Variants in PRKDC observed in about 807,000 individuals in gnomAD.
PRKDC encodes the protein DNA-dependent protein kinase catalytic subunit.
In PRKDC, 82 loss-of-function variants were observed where a neutral mutation model predicts 486.9. The ratio of observed to expected loss-of-function variants is 0.17; its 90% CI spans 0.14 to 0.20. The LOEUF is 0.20. Among genes scored for constraint, PRKDC ranks in the 10% least tolerant of loss-of-function variants. The pLI, the probability that PRKDC is intolerant of heterozygous loss-of-function variation, is 1.00. For missense variants in PRKDC, 4,504 were observed against 5,038.2 expected, an observed-to-expected ratio of 0.89 and a Z score of 3.21; for synonymous variants, 1,895 against 1,837.0, an observed-to-expected ratio of 1.03 and a Z score of -0.81.
intron 68 of PRKDC, among the ~76,000 whole-genome samples, chr8:47,814,024 G>A (rs919666594): frequency 1.3e-5 from 2 of 152,158 alleles, no homozygotes; most frequent in Non-Finnish European, 1.5e-5. Flanking sequence ...ATCCTTAAGG[G>A]ATCATCATGA....
At chr8:47,874,671 A>G (rs2089050603) in intron 40 of PRKDC, among the ~76,000 whole-genome samples, 1 of 152,138 alleles carries the variant, frequency 6.6e-6, no homozygotes, top group African/African-American at 2.4e-5. Context: ...AGGCACAAGA[A>G]TCACTTGAAC....
In PRKDC at chr8:47,794,447, A is replaced by G; in HGVS notation, c.10513T>C (p.Leu3505=). Residue 3505 remains leucine, a synonymous_variant, in exon 74 of 86, where the codon TTA becomes CTA. Transcript: ENST00000314191. ...FISWISHMVA[L]LDKDQAVAVQ... is the part of the protein sequence containing the mutation. ...GCAACGGCTTGGTCTTTGTCCAGTA[A>G]GGCCACCATGTGGCTGATCCAGCTG... is the stretch of plus-strand genomic sequence containing the variant. The G allele has an allele frequency of 6.2e-7, 1 of 1,613,858 alleles. No individual in the cohort carries two copies. Among genetic ancestry groups the G allele is most frequent in the Non-Finnish European group, 8.5e-7 (1 of 1,179,740 alleles).
At chr8:47,779,779 G>C (rs925502429) in intron 80 of PRKDC, among the ~76,000 whole-genome samples, 1 of 151,980 alleles carries the variant, frequency 6.6e-6, no homozygotes, top group Non-Finnish European at 1.5e-5. Context: ...TAGTAGAGAC[G>C]GGGTTTCACC....
In PRKDC at chr8:47,801,000, A is replaced by G. The variant is rs761576930; in HGVS notation, c.9923-14T>C. 6.3e-7 allele frequency: 1 copy of G among 1,598,854 alleles called. No homozygotes were observed. Among genetic ancestry groups the G allele is most frequent in the East Asian group, 2.2e-5 (1 of 44,818 alleles). On this transcript the variant is annotated splice_polypyrimidine_tract_variant and intron_variant, in intron 70 of 85. Transcript: ENST00000314191. ...CGTTGTTCTCATCTGTTGGATTAAA[A>G]AAACAAAACAAAACAAAATTTTGTA...
At chr8:47,819,327 A>T in intron 67 of PRKDC, 75 bp downstream of exon 67, 1 of 969,118 alleles carries the variant, frequency 1.0e-6, no homozygotes, top group Non-Finnish European at 1.5e-6. Context: ...CACTTTCACT[A>T]AGCAGAAAAT....
intron 63 of PRKDC, among the ~76,000 whole-genome samples, chr8:47,824,627 G>A (rs773401223): frequency 6.6e-6 from 1 of 152,036 alleles, no homozygotes; most frequent in Non-Finnish European, 1.5e-5. Flanking sequence ...AAACCCAGAA[G>A]CAAAAGAAAA....
At position 47,896,572 on chromosome 8, in the gene PRKDC, A is replaced by G. The variant is rs1299143375; in HGVS notation, c.3598+589T>C. Among the ~76,000 whole-genome samples the G allele has an allele frequency of 2.7e-5, 4 of 150,626 alleles. No homozygotes were observed. The South Asian group carries it at 8.5e-4, about 32-fold the overall frequency. On this transcript the variant is annotated intron_variant, in intron 30 of 85. Coordinates refer to ENST00000314191, the MANE Select transcript of PRKDC (RefSeq NM_006904.7). ...TGAGGCAAGAGAACGGCGTGAACCCAGGAGGTGGAGCTTGCAGTGAGCTGA... is the reference window on the plus strand; with the variant it reads ...TGAGGCAAGAGAACGGCGTGAACCCGGGAGGTGGAGCTTGCAGTGAGCTGA...
At position 47,922,752 on chromosome 8, in the gene PRKDC, T is replaced by C. The variant is rs548384272; in HGVS notation, c.2420-4369A>G. 3.8e-4 allele frequency among the ~76,000 whole-genome samples: 58 copies of C among 152,276 alleles called. 1 individual carries two copies. The highest frequency in any genetic ancestry group is 1.3e-3 in the African/African-American group (55 of 41,546). Reference sequence around the variant, plus strand: ...GTTAGAACTAGTAGCAGTTACTATATTGGAAACAGAAATAATGTTTTAAAG... The same window carrying C: ...GTTAGAACTAGTAGCAGTTACTATACTGGAAACAGAAATAATGTTTTAAAG... On this transcript the variant is annotated intron_variant, in intron 21 of 85. Coordinates refer to ENST00000314191, the MANE Select transcript of PRKDC (RefSeq NM_006904.7).
At chr8:47,902,249 C>G (rs1400157550) in intron 27 of PRKDC, among the ~76,000 whole-genome samples, 1 of 152,140 alleles carries the variant, frequency 6.6e-6, no homozygotes, top group Non-Finnish European at 1.5e-5. Flanking sequence ...CAATATAAAC[C>G]CTAGCAAGAG....
At position 47,953,725 on chromosome 8, in the gene PRKDC, A is replaced by T; in HGVS notation, c.622-6T>A. 6.2e-7 allele frequency: 1 copy of T among 1,607,786 alleles called. No individual in the cohort carries two copies. The highest frequency in any genetic ancestry group is 8.5e-7 in the Non-Finnish European group (1 of 1,176,856). ...TCTCTTACTGCTGATGTCATCTAAA[A>T]GAAAAGATTTAAGAAGATGTCATTA... is the stretch of plus-strand genomic sequence containing the variant. On this transcript the variant is annotated splice_polypyrimidine_tract_variant and splice_region_variant and intron_variant, in intron 6 of 85. Transcript: ENST00000314191.
intron 25 of PRKDC, among the ~76,000 whole-genome samples, chr8:47,908,420 T>A (rs1563798041): frequency 6.6e-6 from 1 of 152,218 alleles, no homozygotes; most frequent in Non-Finnish European, 1.5e-5. Flanking sequence ...CATTCAGTAG[T>A]CTTAAACATT....
Position 47,936,620 on chromosome 8 carries a change from A to C in PRKDC, c.1114-103T>G, listed in dbSNP as rs532630475. ...TGTGATTATAAACACAAGTTTAACAAGGCTTCTTTTTTTTTTGAGACGAAG... is the reference window on the plus strand; with the variant it reads ...TGTGATTATAAACACAAGTTTAACACGGCTTCTTTTTTTTTTGAGACGAAG... On this transcript the variant is annotated intron_variant, in intron 11 of 85. Coordinates refer to ENST00000314191, the MANE Select transcript of PRKDC (RefSeq NM_006904.7). 4.4e-6 allele frequency: 6 copies of C among 1,372,050 alleles called. No individual in the cohort carries two copies. The African/African-American group carries it at 8.8e-5, about 20-fold the overall frequency. The allele number at this position is 1,372,050 out of a possible 1,614,324, so 85.0% of individuals were successfully genotyped here. A position where few individuals can be genotyped will look rare whatever the true frequency, so the allele number is the denominator to read the frequency against.
chr8:47,797,967 C>T (rs1251070425), intron 73 of PRKDC, among the ~76,000 whole-genome samples: 29 of 152,204 alleles, frequency 1.9e-4, no homozygotes, highest in Admixed American at 1.6e-3. Flanking sequence ...CACAAGATCC[C>T]GTTACCATCC....
intron 7 of PRKDC, among the ~76,000 whole-genome samples, chr8:47,950,554 G>A (rs571244967): frequency 3.6e-4 from 55 of 150,722 alleles, no homozygotes; most frequent in African/African-American, 9.8e-4. Flanking sequence ...GCGTGAACCC[G>A]GAAGGGGGAG....
rs1285377418 is a variant in PRKDC at position 47,953,685 on chromosome 8, A to G, written c.656T>C (p.Val219Ala). ...TSAVREPKLP[V>A]LAGCLKGLSS... Reference sequence around the variant, plus strand: ...CAACCCCTTCAGACATCCTGCCAGAACAGGTAGTTTGGGCTCTCTTACTGC... The same window carrying G: ...CAACCCCTTCAGACATCCTGCCAGAGCAGGTAGTTTGGGCTCTCTTACTGC... Residue 219 changes from valine to alanine, a missense_variant, in exon 7 of 86, where the codon GTT becomes GCT. By Grantham distance (64) the Val-to-Ala change is moderately conservative. Transcript: ENST00000314191. 1 of 1,613,362 alleles carries G rather than the reference A, an allele frequency of 6.2e-7. No individual in the cohort carries two copies. The highest frequency in any genetic ancestry group is 1.3e-5 in the African/African-American group (1 of 74,938).
At chr8:47,869,422 C>T (rs1410149126) in intron 40 of PRKDC, among the ~76,000 whole-genome samples, 1 of 151,658 alleles carries the variant, frequency 6.6e-6, no homozygotes, top group Non-Finnish European at 1.5e-5. Context: ...CACTCTGGGC[C>T]AGAAGGGAAC....
chr8:47,948,329 C>T (rs1263876456), intron 7 of PRKDC, among the ~76,000 whole-genome samples: 4 of 151,340 alleles, frequency 2.6e-5, no homozygotes, highest in Admixed American at 2.6e-4. Flanking sequence ...AGGATGGTCT[C>T]GATCTCTTGA....
chr8:47,774,006 A>C lies in PRKDC; in HGVS notation c.*167T>G. The C allele has an allele frequency of 1.5e-6, 1 of 648,014 alleles. No homozygotes were observed. The highest frequency in any genetic ancestry group is 2.6e-6 in the Non-Finnish European group (1 of 389,626). 40.1% of individuals were successfully genotyped at this position (648,014 alleles called of 1,614,324 possible). The stretch of plus-strand genomic sequence containing the variant: ...ACCTTATCTTTGATTTAACCCATAC[A>C]CATTTACTCATCATAATCTTGATTT... On this transcript the variant is annotated 3_prime_UTR_variant, in exon 86 of 86. Transcript: ENST00000314191.
At chr8:47,925,694 A>C (rs942303902) in intron 21 of PRKDC, among the ~76,000 whole-genome samples, 1 of 152,224 alleles carries the variant, frequency 6.6e-6, no homozygotes, top group Non-Finnish European at 1.5e-5. Context: ...TATACAATGA[A>C]GTCTTCAAGA....
Sources: allele counts gnomAD v4.1 joint callset (sites outside exome capture counted in the v4.1 genomes callset), GRCh38; gene constraint gnomAD v4.1.1; transcripts MANE v1.5; gene names NCBI Gene and HGNC (gene_info 2026-07-23, HGNC 2026-07-21).